SLC9C1: variants seen among roughly 807,000 people sequenced by gnomAD.
SLC9C1 encodes sodium/hydrogen exchanger 10.
SLC9C1 carries 97 observed loss-of-function variants against 140.9 expected under a neutral mutation model. The observed-to-expected ratio is 0.69, with a 90% CI of 0.58 to 0.82. The LOEUF is 0.82. Ranked by LOEUF, SLC9C1 falls within the 40% of genes least tolerant of loss-of-function variation. SLC9C1 has a pLI of 0.00. For missense variants in SLC9C1, 1,340 were observed against 1,389.3 expected, an observed-to-expected ratio of 0.96 and a Z score of 0.56; for synonymous variants, 440 against 442.6, an observed-to-expected ratio of 0.99 and a Z score of 0.07.
At chr3:112,195,644 AC>A (rs781055707) in intron 20 of SLC9C1, among the ~76,000 whole-genome samples, 1 of 151,998 alleles carries the variant, frequency 6.6e-6, no homozygotes, top group Non-Finnish European at 1.5e-5. Context: ...TTATGTGTTT[AC>A]CATGGGCATT....
chr3:112,159,639 A>G (rs2075229419), intron 26 of SLC9C1, among the ~76,000 whole-genome samples: 1 of 152,038 alleles, frequency 6.6e-6, no homozygotes, highest in South Asian at 2.1e-4. Flanking sequence ...TAATCTGCCC[A>G]TTGCTGTAAC....
At chr3:112,169,976 T>C (rs760835922) in intron 23 of SLC9C1, among the ~76,000 whole-genome samples, 2 of 152,022 alleles carry the variant, frequency 1.3e-5, no homozygotes, top group African/African-American at 2.4e-5. Flanking sequence ...TCTCACCACA[T>C]TAAAAAAAAT....
intron 20 of SLC9C1, 108 bp from the exon 21 acceptor site, chr3:112,182,366 T>G: frequency 8.3e-7 from 1 of 1,199,922 alleles, no homozygotes; most frequent in Non-Finnish European, 1.1e-6. Context: ...TTGACATTTT[T>G]CTTCTTCCAT....
intron 10 of SLC9C1, among the ~76,000 whole-genome samples, chr3:112,256,958 A>C (rs1377482262): frequency 1.3e-5 from 2 of 152,098 alleles, no homozygotes; most frequent in Non-Finnish European, 2.9e-5. Context: ...AATCCCATTC[A>C]TAATTGCCCA....
rs373013966 is a variant in SLC9C1, at chr3:112,207,939, C to G, written c.1986+239G>C. ...ATACCTTTTAAACTCACTTTGTGTC[C>G]CTTTGACACACACCATTTTAAAATT... On this transcript the variant is annotated intron_variant, in intron 16 of 28. Transcript: ENST00000305815. 9.2e-5 allele frequency among the ~76,000 whole-genome samples: 14 copies of G among 152,188 alleles called. No homozygotes were observed. The East Asian group carries it at 2.3e-3, about 25-fold the overall frequency.
At chr3:112,148,288 T>G (rs2074862195) in intron 28 of SLC9C1, among the ~76,000 whole-genome samples, 1 of 152,194 alleles carries the variant, frequency 6.6e-6, no homozygotes, top group Non-Finnish European at 1.5e-5. Flanking sequence ...TAGGGACCAT[T>G]GCTGGAGAGC....
chr3:112,191,005 C>T (rs1474687404), intron 20 of SLC9C1, among the ~76,000 whole-genome samples: 2 of 150,268 alleles, frequency 1.3e-5, no homozygotes, highest in Non-Finnish European at 3.0e-5. Flanking sequence ...GAAAAGCTTT[C>T]CTCACATCAA....
chr3:112,193,194 G>C (rs2077700149), intron 20 of SLC9C1, among the ~76,000 whole-genome samples: 1 of 152,208 alleles, frequency 6.6e-6, no homozygotes, highest in African/African-American at 2.4e-5. Flanking sequence ...TTGCCGGACT[G>C]CCTCTCAAGT....
At position 112,180,546 on chromosome 3, in the gene SLC9C1, C is replaced by CAA. The variant is rs755758109; in HGVS notation, c.2748+16_2748+17dup. The CAA allele has an allele frequency of 6.3e-7, 1 of 1,574,892 alleles. No individual in the cohort carries two copies. The highest frequency in any genetic ancestry group is 8.6e-7 in the Non-Finnish European group (1 of 1,164,424). Reference sequence around the variant, plus strand: ...CTCAAAACAAAAAAACAAAACAAAACAAAAACCTCTGCCTTACCTTTACCA... The same window carrying CAA: ...CTCAAAACAAAAAAACAAAACAAAACAAAAAAACCTCTGCCTTACCTTTACCA... On this transcript the variant is annotated intron_variant, in intron 22 of 28. Transcript: ENST00000305815.
chr3:112,214,424 G>GT (rs1287014376), intron 15 of SLC9C1, among the ~76,000 whole-genome samples: 3 of 151,990 alleles, frequency 2.0e-5, no homozygotes, highest in Non-Finnish European at 2.9e-5. Context: ...CCAGGAGCTG[G>GT]TTTTTTTGAA....
intron 16 of SLC9C1, among the ~76,000 whole-genome samples, chr3:112,207,425 G>A (rs2078085269): frequency 6.6e-6 from 1 of 152,194 alleles, no homozygotes; most frequent in African/African-American, 2.4e-5. Context: ...GGAGTCATTA[G>A]ACTATGAATG....
Position 112,197,790 on chromosome 3 carries a change from A to G in SLC9C1, c.2523+1531T>C, listed in dbSNP as rs549462082. On this transcript the variant is annotated intron_variant, in intron 20 of 28. Transcript: ENST00000305815. ...TTGAGCAATAAATTGTACAAGTAAAATCCTTAACTCCCTGACATGGTGTGA... is the reference window on the plus strand; with the variant it reads ...TTGAGCAATAAATTGTACAAGTAAAGTCCTTAACTCCCTGACATGGTGTGA... Among the ~76,000 whole-genome samples, 24 of 152,216 alleles carry G rather than the reference A, an allele frequency of 1.6e-4. No homozygotes were observed. In the East Asian group the frequency reaches 4.6e-3, roughly 29 times the overall value.
At chr3:112,188,776 A>G (rs1023844833) in intron 20 of SLC9C1, among the ~76,000 whole-genome samples, 2 of 152,110 alleles carry the variant, frequency 1.3e-5, no homozygotes, top group African/African-American at 2.4e-5. Context: ...GGGTCAAATG[A>G]TATTTCTGGT....
chr3:112,241,832 A>G (rs936299920), intron 11 of SLC9C1, among the ~76,000 whole-genome samples: 27 of 152,330 alleles, frequency 1.8e-4, no homozygotes, highest in African/African-American at 6.3e-4. Flanking sequence ...AAAGCTGACA[A>G]AAACAGACAA....
chr3:112,171,985 A>G (rs1254279215), intron 23 of SLC9C1, among the ~76,000 whole-genome samples: 1 of 152,194 alleles, frequency 6.6e-6, no homozygotes, highest in Non-Finnish European at 1.5e-5. Context: ...CCTAAAGCCA[A>G]CATCATGTGG....
intron 10 of SLC9C1, among the ~76,000 whole-genome samples, chr3:112,246,275 T>A (rs1844995): frequency 3.3e-5 from 5 of 151,994 alleles, no homozygotes; most frequent in South Asian, 2.1e-4. Flanking sequence ...GTAATTAAGC[T>A]TTTGTAGAGT....
At chr3:112,250,502 T>C (rs555028041) in intron 10 of SLC9C1, among the ~76,000 whole-genome samples, 1 of 148,864 alleles carries the variant, frequency 6.7e-6, no homozygotes, top group African/African-American at 2.5e-5. Flanking sequence ...ACTTCCACAA[T>C]GGTTGAACTA....
At position 112,153,522 on chromosome 3, in the gene SLC9C1, A is replaced by G. The variant is rs565346194; in HGVS notation, c.3417+1475T>C. ...AGAATTAGAATAGGTGCATGTATCC[A>G]TGTTTTTTAGAGAATATGAGAAGAG... On this transcript the variant is annotated intron_variant, in intron 27 of 28. Coordinates refer to ENST00000305815, the MANE Select transcript of SLC9C1 (RefSeq NM_183061.3). 5.0e-4 allele frequency among the ~76,000 whole-genome samples: 76 copies of G among 152,320 alleles called. 2 individuals carry two copies. In the South Asian group the frequency reaches 0.014, roughly 29 times the overall value.
At chr3:112,225,583 T>C (rs2078662626) in intron 13 of SLC9C1, among the ~76,000 whole-genome samples, 1 of 151,462 alleles carries the variant, frequency 6.6e-6, no homozygotes, top group South Asian at 2.1e-4. Flanking sequence ...TATCCCTGAA[T>C]GTAAACTAAT....
Sources: gnomAD v4.1 joint callset for allele counts (sites outside exome capture counted in the v4.1 genomes callset) on GRCh38, gnomAD v4.1.1 for gene constraint, MANE v1.5 for transcripts, NCBI Gene and HGNC (gene_info 2026-07-23, HGNC 2026-07-21) for gene names.